The following GPBP1 variants were observed in gnomAD, a reference collection of about 807,000 sequenced individuals.
The protein encoded by GPBP1 is GC-rich promoter binding protein 1.
A neutral mutation model predicts 56.5 loss-of-function variants in GPBP1; 13 were observed. The ratio of observed to expected loss-of-function variants is 0.23; its 90% CI spans 0.15 to 0.37. The LOEUF is 0.37. GPBP1 is among the 10% of genes least tolerant of loss of function. The probability of loss-of-function intolerance (pLI) is 1.00; values close to 1 mark genes in which losing one functional copy is unlikely to be tolerated. For missense variants in GPBP1, 477 were observed against 572.3 expected, an observed-to-expected ratio of 0.83 and a Z score of 1.70; for synonymous variants, 204 against 188.9, an observed-to-expected ratio of 1.08 and a Z score of -0.66.
chr5:57,212,143 C>T (rs553141268), intron 2 of GPBP1, among the ~76,000 whole-genome samples: 4 of 151,576 alleles, frequency 2.6e-5, no homozygotes, highest in African/African-American at 9.7e-5. Flanking sequence ...TTGGCCAGGC[C>T]GATCTCGAAC....
chr5:57,245,587 CTGTT>C (rs530785477), intron 6 of GPBP1: 1 of 152,160 alleles, frequency 6.6e-6, no homozygotes, highest in African/African-American at 2.4e-5. Context: ...ACTGCAATGT[CTGTT>C]TGATTACACA....
intron 10 of GPBP1, among the ~76,000 whole-genome samples, chr5:57,251,829 C>T (rs1741406729): frequency 6.6e-6 from 1 of 152,070 alleles, no homozygotes; most frequent in African/African-American, 2.4e-5. Context: ...CTAGTTTCTC[C>T]ACATTCTTAC....
At chr5:57,235,774 C>T (rs561714505) in intron 5 of GPBP1, among the ~76,000 whole-genome samples, 192 bp from the exon 6 acceptor site, 39 of 152,260 alleles carry the variant, frequency 2.6e-4, no homozygotes, top group Middle Eastern at 3.4e-3. Flanking sequence ...CCAAGTGCTT[C>T]AATGAGTAGG....
At chr5:57,258,229 A>G (rs1741745671) in intron 10 of GPBP1, among the ~76,000 whole-genome samples, 1 of 152,228 alleles carries the variant, frequency 6.6e-6, no homozygotes, top group Non-Finnish European at 1.5e-5. Context: ...CAAAGTACAG[A>G]TAAGGGTTAC....
intron 2 of GPBP1, among the ~76,000 whole-genome samples, chr5:57,193,902 A>G (rs908384852): frequency 2.0e-5 from 3 of 152,190 alleles, no homozygotes; most frequent in African/African-American, 4.8e-5. Context: ...GTGTACCACA[A>G]GAGGTTTAGA....
chr5:57,246,629 G>C lies in GPBP1; in HGVS notation c.663+145G>C, dbSNP rs1163593611. On this transcript the variant is annotated intron_variant, in intron 7 of 11. Coordinates refer to ENST00000506184, the MANE Select transcript of GPBP1 (RefSeq NM_022913.4). ...AGGTGGCAAGAGTTGACCCATATGT[G>C]CTCTTAATTATCTTTGATGTGGTGT... 4 of 584,310 alleles carry C rather than the reference G, an allele frequency of 6.8e-6. No individual in the cohort carries two copies. In the African/African-American group the frequency reaches 7.5e-5, roughly 11 times the overall value. The allele number at this position is 584,310 out of a possible 1,614,324, so 36.2% of individuals were successfully genotyped here.
intron 2 of GPBP1, among the ~76,000 whole-genome samples, chr5:57,185,039 A>T (rs1318372672): frequency 2.0e-5 from 3 of 152,174 alleles, no homozygotes; most frequent in African/African-American, 7.2e-5. Flanking sequence ...GTTCAGAGAC[A>T]TTTTGTTTGT....
At chr5:57,193,684 TA>T (rs1324142400) in intron 2 of GPBP1, among the ~76,000 whole-genome samples, 1 of 151,678 alleles carries the variant, frequency 6.6e-6, no homozygotes, top group Admixed American at 6.6e-5. Context: ...TTCGTAGGAT[TA>T]GGCGTGTTTA....
At chr5:57,196,048 A>T (rs974513503) in intron 2 of GPBP1, among the ~76,000 whole-genome samples, 6 of 151,300 alleles carry the variant, frequency 4.0e-5, no homozygotes, top group African/African-American at 1.5e-4. Context: ...TGTAAAAGTC[A>T]ATATGATATC....
At chr5:57,239,584 C>A (rs1385680546) in intron 6 of GPBP1, among the ~76,000 whole-genome samples, 1 of 151,684 alleles carries the variant, frequency 6.6e-6, no homozygotes, top group Non-Finnish European at 1.5e-5. Context: ...AGTTCAAGAC[C>A]AGCCTGGCCA....
intron 7 of GPBP1, 48 bp downstream of exon 7, chr5:57,246,532 T>G: frequency 6.9e-7 from 1 of 1,448,002 alleles, no homozygotes; most frequent in Admixed American, 1.9e-5. Context: ...GATAACCAAT[T>G]TATGTCCTAT....
chr5:57,227,292 C>G (rs1756240296), intron 3 of GPBP1, among the ~76,000 whole-genome samples: 1 of 152,164 alleles, frequency 6.6e-6, no homozygotes. Flanking sequence ...GTCTCAAACT[C>G]CTGACCTCAG....
rs869152603 is a variant in GPBP1 at position 57,219,375 on chromosome 5, CAAAAAAAAAAAAA to C, written c.63+5198_63+5210del. Among the ~76,000 whole-genome samples the C allele has an allele frequency of 7.4e-4, 26 of 35,308 alleles. 1 individual carries two copies. The highest frequency in any genetic ancestry group is 7.9e-4 in the African/African-American group (7 of 8,860). 23.2% of individuals were successfully genotyped at this position (35,308 alleles called of 152,430 possible). ...TGGGTGACAGAGCGAGACTCTGTCT[CAAAAAAAAAAAAA>C]AAAAAAAAAAAAAAACCAAAAACAA... On this transcript the variant is annotated intron_variant, in intron 3 of 11. Transcript: ENST00000506184.
chr5:57,231,667 C>G (rs1371445807), intron 5 of GPBP1, among the ~76,000 whole-genome samples: 1 of 152,164 alleles, frequency 6.6e-6, no homozygotes, highest in African/African-American at 2.4e-5. Context: ...TTATCTAGTT[C>G]TTGCGATTCA....
chr5:57,230,329 T>C (rs1474711045), intron 3 of GPBP1, among the ~76,000 whole-genome samples: 1 of 152,248 alleles, frequency 6.6e-6, no homozygotes, highest in African/African-American at 2.4e-5. Context: ...TATACATTGT[T>C]AGAACTTTTC....
chr5:57,257,654 A>G (rs760095441), intron 10 of GPBP1, among the ~76,000 whole-genome samples: 1 of 151,950 alleles, frequency 6.6e-6, no homozygotes, highest in Non-Finnish European at 1.5e-5. Context: ...ACATGGTCTC[A>G]CTGTATCTCA....
intron 3 of GPBP1, among the ~76,000 whole-genome samples, chr5:57,216,383 T>G (rs753414540): frequency 3.3e-5 from 5 of 152,134 alleles, no homozygotes; most frequent in Non-Finnish European, 5.9e-5. Flanking sequence ...CTCTTGCAAT[T>G]GAGTTTTAGT....
chr5:57,200,040 T>G (rs1015444070), intron 2 of GPBP1, among the ~76,000 whole-genome samples: 2 of 141,892 alleles, frequency 1.4e-5, no homozygotes, highest in Non-Finnish European at 1.5e-5. Context: ...TTTTTTTTTT[T>G]TTTTTTTTTC....
intron 10 of GPBP1, 133 bp downstream of exon 10, chr5:57,251,274 G>C: frequency 1.3e-6 from 1 of 744,346 alleles, no homozygotes; most frequent in Non-Finnish European, 2.1e-6. Flanking sequence ...ATGATATACA[G>C]ATGGTTTTTA....
Sources: gnomAD v4.1 joint callset for allele counts (sites outside exome capture counted in the v4.1 genomes callset) on GRCh38, gnomAD v4.1.1 for gene constraint, MANE v1.5 for transcripts, NCBI Gene and HGNC (gene_info 2026-07-23, HGNC 2026-07-21) for gene names.